Variants in MRTFA observed in about 807,000 individuals in gnomAD.
The protein encoded by MRTFA is myocardin-related transcription factor A.
A neutral mutation model predicts 83.5 loss-of-function variants in MRTFA; 20 were observed. The observed-to-expected ratio is 0.24, with a 90% CI of 0.17 to 0.35. MRTFA has a LOEUF of 0.35. MRTFA is among the 10% of genes least tolerant of loss of function. The probability of loss-of-function intolerance (pLI) is 1.00; values close to 1 mark genes in which losing one functional copy is unlikely to be tolerated. For missense variants in MRTFA, 1,200 were observed against 1,224.7 expected, an observed-to-expected ratio of 0.98 and a Z score of 0.30; for synonymous variants, 659 against 541.2, an observed-to-expected ratio of 1.22 and a Z score of -3.02.
At chr22:40,551,538 T>G (rs1157472438) in intron 3 of MRTFA, among the ~76,000 whole-genome samples, 1 of 152,182 alleles carries the variant, frequency 6.6e-6, no homozygotes, top group East Asian at 1.9e-4. Context: ...CAGCTAATTT[T>G]TGTAGTTTTA....
chr22:40,531,625 G>A (rs895750555), intron 3 of MRTFA, among the ~76,000 whole-genome samples: 21 of 151,998 alleles, frequency 1.4e-4, no homozygotes, highest in African/African-American at 5.1e-4. Flanking sequence ...ATTCATATAG[G>A]TTAAAATATT....
At chr22:40,499,524 A>G (rs1375620876) in intron 3 of MRTFA, among the ~76,000 whole-genome samples, 1 of 152,250 alleles carries the variant, frequency 6.6e-6, no homozygotes, top group African/African-American at 2.4e-5. Context: ...AGAGAAAAGC[A>G]GCACAGAAAT....
intron 3 of MRTFA, among the ~76,000 whole-genome samples, chr22:40,484,561 T>C (rs2054144046): frequency 6.6e-6 from 1 of 152,224 alleles, no homozygotes; most frequent in African/African-American, 2.4e-5. Context: ...TTGTATTTCC[T>C]GAAGTCTGTG....
At chr22:40,420,317 G>C in intron 11 of MRTFA, 88 bp downstream of exon 11, 1 of 1,466,714 alleles carries the variant, frequency 6.8e-7, no homozygotes, top group Non-Finnish European at 9.3e-7. Flanking sequence ...TAGGCTGGCT[G>C]CCTTCCCTGC....
chr22:40,521,353 A>G (rs1203873421), intron 3 of MRTFA, among the ~76,000 whole-genome samples: 1 of 152,186 alleles, frequency 6.6e-6, no homozygotes, highest in African/African-American at 2.4e-5. Context: ...ATATAAATAG[A>G]ATCATACAAT....
intron 2 of MRTFA, among the ~76,000 whole-genome samples, chr22:40,576,932 T>G (rs554555514): frequency 1.3e-5 from 2 of 152,238 alleles, no homozygotes; most frequent in East Asian, 3.9e-4. Flanking sequence ...ATTTTCAAAA[T>G]TAACTGGAGG....
intron 4 of MRTFA, among the ~76,000 whole-genome samples, chr22:40,445,784 G>A (rs972300984): frequency 3.9e-5 from 6 of 152,092 alleles, no homozygotes; most frequent in African/African-American, 4.8e-5. Context: ...TCCTCACCTC[G>A]TGATCCACCT....
chr22:40,482,313 T>C (rs1184282405), intron 3 of MRTFA, among the ~76,000 whole-genome samples: 1 of 152,098 alleles, frequency 6.6e-6, no homozygotes, highest in Non-Finnish European at 1.5e-5. Context: ...AAAATATTAA[T>C]AACTATAAAT....
chr22:40,587,769 T>A, intron 2 of MRTFA: 1 of 334,794 alleles, frequency 3.0e-6, no homozygotes, highest in Non-Finnish European at 5.9e-6. Flanking sequence ...CCTCAAACTC[T>A]GGGAATTTGA....
chr22:40,443,862 C>T (rs1473812349), intron 4 of MRTFA, among the ~76,000 whole-genome samples: 2 of 152,172 alleles, frequency 1.3e-5, no homozygotes, highest in Admixed American at 1.3e-4. Context: ...GGCACCTCTC[C>T]CAGTCCCTGC....
intron 3 of MRTFA, among the ~76,000 whole-genome samples, chr22:40,514,263 C>A (rs2054718468): frequency 6.6e-6 from 1 of 151,478 alleles, no homozygotes; most frequent in African/African-American, 2.4e-5. Context: ...CAAATAAATA[C>A]ATAATTAAAT....
chr22:40,439,689 G>A (rs1223779524), intron 4 of MRTFA, among the ~76,000 whole-genome samples: 1 of 152,066 alleles, frequency 6.6e-6, no homozygotes, highest in Non-Finnish European at 1.5e-5. Flanking sequence ...TCAGAAGAGG[G>A]GTTCAGAGAC....
intron 2 of MRTFA, among the ~76,000 whole-genome samples, chr22:40,557,958 G>C (rs1178308098): frequency 6.6e-6 from 1 of 152,186 alleles, no homozygotes; most frequent in Non-Finnish European, 1.5e-5. Context: ...ATTTTTAGTA[G>C]AGATGGGGTT....
At chr22:40,468,096 T>G (rs185128994) in intron 3 of MRTFA, among the ~76,000 whole-genome samples, 1 of 152,142 alleles carries the variant, frequency 6.6e-6, no homozygotes, top group Non-Finnish European at 1.5e-5. Flanking sequence ...ACTAGCTACT[T>G]TGGGGGTGAG....
intron 3 of MRTFA, among the ~76,000 whole-genome samples, chr22:40,546,247 T>C (rs181870934): frequency 2.8e-4 from 42 of 152,328 alleles, no homozygotes; most frequent in Non-Finnish European, 4.7e-4. Flanking sequence ...CAAATGACCA[T>C]GCAAAAACCT....
chr22:40,498,285 T>A (rs1455308595), intron 3 of MRTFA, among the ~76,000 whole-genome samples: 11 of 100,132 alleles, frequency 1.1e-4, no homozygotes, highest in Middle Eastern at 4.5e-3. Flanking sequence ...TTTTTTTTTT[T>A]TTTTTTTTTT....
At chr22:40,451,448 C>T (rs1050183049) in intron 4 of MRTFA, among the ~76,000 whole-genome samples, 2 of 152,120 alleles carry the variant, frequency 1.3e-5, no homozygotes, top group African/African-American at 4.8e-5. Flanking sequence ...TGCCACCACC[C>T]GTTTTGGCAC....
intron 5 of MRTFA, among the ~76,000 whole-genome samples, chr22:40,431,833 A>G (rs1294100848): frequency 6.6e-6 from 1 of 152,262 alleles, no homozygotes; most frequent in Non-Finnish European, 1.5e-5. Flanking sequence ...AATAAACTTT[A>G]ATCAGCCACT....
At chr22:40,471,627 A>G (rs942177743) in intron 3 of MRTFA, among the ~76,000 whole-genome samples, 2 of 152,092 alleles carry the variant, frequency 1.3e-5, no homozygotes, top group African/African-American at 4.8e-5. Context: ...TCATGCTTGT[A>G]ATTCCAGCAC....
Sources: gnomAD v4.1 joint callset for allele counts (sites outside exome capture counted in the v4.1 genomes callset) on GRCh38, gnomAD v4.1.1 for gene constraint, MANE v1.5 for transcripts, NCBI Gene and HGNC (gene_info 2026-07-23, HGNC 2026-07-21) for gene names.